The following SYP variants were observed in gnomAD, a reference collection of about 807,000 sequenced individuals.
The protein encoded by SYP is synaptophysin.
In SYP, 2 loss-of-function variants were observed where a neutral mutation model predicts 24.3. The ratio of observed to expected loss-of-function variants is 0.08; its 90% confidence interval spans 0.03 to 0.26. SYP has a LOEUF of 0.26. Among genes scored for constraint, SYP ranks in the 10% least tolerant of loss-of-function variants. The pLI, the probability that SYP is intolerant of heterozygous loss-of-function variation, is 1.00. For synonymous variants in SYP, 143 were observed against 123.2 expected (o/e 1.16, Z -1.07); for missense variants, 216 against 266.3 (o/e 0.81, Z 1.32).
intron 6 of SYP, 98 bp downstream of exon 6, chrX:49,191,335 G>A: frequency 1.0e-6 from 1 of 1,002,718 alleles, no homozygotes; most frequent in Non-Finnish European, 1.4e-6. Flanking sequence ...CCCAGTAAAC[G>A]CCTTACGTAC....
At chrX:49,191,227 C>T in intron 6 of SYP, 1 of 475,618 alleles carries the variant, frequency 2.1e-6, no homozygotes, top group South Asian at 3.1e-5. Context: ...CATCTTGAAG[C>T]ACCATTCTTC....
chrX:49,190,158 AG>A (rs200238254), intron 6 of SYP, among the ~76,000 whole-genome samples: 1,155 of 108,226 alleles, frequency 0.011, 20 homozygotes, highest in African/African-American at 0.036. Context: ...CTCCTATCTG[AG>A]GGAAATCTCA....
At chrX:49,196,739 G>A (rs1557103375) in intron 3 of SYP, among the ~76,000 whole-genome samples, 1 of 111,708 alleles carries the variant, frequency 9.0e-6, no homozygotes, top group African/African-American at 3.3e-5. Context: ...TCATTGTGAG[G>A]GTAGTGCCCA....
rs2065545184 is a variant in SYP, at chrX:49,200,011, C to T, written c.36+140G>A. 4 of 742,121 alleles carry T rather than the reference C, an allele frequency of 5.4e-6. No homozygotes were observed. The Admixed American group carries it at 1.2e-4, about 21-fold the overall frequency. The allele number at this position is 742,121 out of a possible 1,213,427, so 61.2% of individuals were successfully genotyped here. On this transcript the variant is annotated intron_variant, in intron 1 of 6. Transcript: ENST00000263233. ...CCCCCTTCCTCCCCTTCACCTGCCGCAGACCCCCATCCCCAGCGCCGGGGA... is the reference window on the plus strand; with the variant it reads ...CCCCCTTCCTCCCCTTCACCTGCCGTAGACCCCCATCCCCAGCGCCGGGGA...
chrX:49,191,781 T>C lies in SYP; in HGVS notation c.616-18A>G, dbSNP rs1391458310. On this transcript the variant is annotated intron_variant, in intron 5 of 6. Coordinates refer to ENST00000263233, the MANE Select transcript of SYP (RefSeq NM_003179.3). ...CCGAACACCTGCAGGGAGACAAGGC[T>C]CGGCTGTGGTACCCCGCCCATTGCC... 12 of 1,190,188 alleles carry C rather than the reference T, an allele frequency of 1.0e-5. No individual in the cohort carries two copies. In the Admixed American group the frequency reaches 2.5e-4, roughly 24 times the overall value.
At position 49,192,457 on chromosome X, in the gene SYP, T is replaced by C. The variant is rs1028789871; in HGVS notation, c.616-694A>G. On this transcript the variant is annotated intron_variant, in intron 5 of 6. Transcript: ENST00000263233. Reference sequence around the variant, plus strand: ...ATCTGCCCGCCTCGGCCTCCCATAGTGCTGGGATTACTGGCGTGAGCTACC... The same window carrying C: ...ATCTGCCCGCCTCGGCCTCCCATAGCGCTGGGATTACTGGCGTGAGCTACC... Among the ~76,000 whole-genome samples, 13 of 112,864 alleles carry C rather than the reference T, an allele frequency of 1.2e-4. No individual in the cohort carries two copies. The East Asian group carries it at 3.6e-3, about 31-fold the overall frequency.
chrX:49,191,497 G>C lies in SYP; in HGVS notation c.882C>G (p.Asp294Glu), dbSNP rs147778213. ...GCGGGCCGTAGCCTTGCTGCCCATA[G>C]TCGCCCTGAGGCCCGTAGCCACTGC... ...SGGSGYGPQG[D>E]YGQQGYGPQG... The change falls in exon 6 of 7, where the codon GAC becomes GAG. Residue 294 changes from aspartate to glutamate, a missense_variant. By Grantham distance (45) the Asp-to-Glu change is conservative. Coordinates refer to ENST00000263233, the MANE Select transcript of SYP (RefSeq NM_003179.3). 10 of 1,210,379 alleles carry C rather than the reference G, an allele frequency of 8.3e-6. No homozygotes were observed. In the African/African-American group the frequency reaches 1.7e-4, roughly 21 times the overall value.
chrX:49,198,996 G>GGCTCC lies in SYP; in HGVS notation c.69_73dup (p.Pro25ArgfsTer7). On this transcript the variant is annotated frameshift_variant, in exon 2 of 7. Transcript: ENST00000263233. LOFTEE classifies it high-confidence loss of function. ...TTGCAGCACCTTCACAAAGCCGAGGGGCTCCTTGACCACCCGGAACTGACC... is the reference window on the plus strand; with the variant it reads ...TTGCAGCACCTTCACAAAGCCGAGGGGCTCCGCTCCTTGACCACCCGGAACTGACC... The GGCTCC allele has an allele frequency of 8.3e-7, 1 of 1,211,691 alleles. No homozygotes were observed.
chrX:49,194,748 C>T lies in SYP; in HGVS notation c.228-387G>A, dbSNP rs782773539. Among the ~76,000 whole-genome samples, 4 of 78,853 alleles carry T rather than the reference C, an allele frequency of 5.1e-5. No homozygotes were observed. The East Asian group carries it at 1.3e-3, about 25-fold the overall frequency. 68.5% of individuals were successfully genotyped at this position (78,853 alleles called of 115,157 possible). A position where few individuals can be genotyped will look rare whatever the true frequency, so the allele number is the denominator to read the frequency against. ...TTTTTGAGATGGAGTCTTGCTCTGT[C>T]ACCAGGCTGGAGTGCGGTGGCACAA... On this transcript the variant is annotated intron_variant, in intron 3 of 6. Transcript: ENST00000263233.
At chrX:49,190,245 T>C (rs1360936092) in intron 6 of SYP, among the ~76,000 whole-genome samples, 1 of 108,444 alleles carries the variant, frequency 9.2e-6, no homozygotes, top group Non-Finnish European at 1.9e-5. Flanking sequence ...AGTGGCGCAA[T>C]CTCGACTCAC....
intron 4 of SYP, 122 bp downstream of exon 4, chrX:49,194,044 C>T: frequency 1.3e-6 from 1 of 793,810 alleles, no homozygotes; most frequent in South Asian, 2.2e-5. Flanking sequence ...ATATGTGTGG[C>T]TGTTATGGTG....
intron 1 of SYP, 98 bp from the exon 2 acceptor site, chrX:49,199,131 T>G (rs1341447122): frequency 7.1e-6 from 6 of 847,958 alleles, no homozygotes; most frequent in Non-Finnish European, 5.2e-6. Context: ...ATGGAGCATG[T>G]GACCTCGGGG....
Position 49,197,806 on chromosome X carries a change from T to C in SYP, c.136A>G (p.Ser46Gly). 8.3e-7 allele frequency: 1 copy of C among 1,209,247 alleles called. No homozygotes were observed. Among genetic ancestry groups the C allele is most frequent in the Non-Finnish European group, 1.1e-6 (1 of 894,160 alleles). ...FAIFAFATCGSYSGELQLSVD... is the reference protein window; with the variant it reads ...FAIFAFATCGGYSGELQLSVD... Reference sequence around the variant, plus strand: ...CTCAGCTGGAGCTCCCCACTGTAGCTGCCGCATGTGGCAAAGGCGAAGATG... The same window carrying C: ...CTCAGCTGGAGCTCCCCACTGTAGCCGCCGCATGTGGCAAAGGCGAAGATG... The change falls in exon 3 of 7, where the codon AGC becomes GGC. Residue 46 changes from serine (S) to glycine (G), a missense_variant. Ser to Gly is a moderately conservative substitution (Grantham distance 56). Transcript: ENST00000263233.
intron 3 of SYP, among the ~76,000 whole-genome samples, chrX:49,196,424 C>T (rs1207633490): frequency 2.7e-5 from 3 of 111,736 alleles, no homozygotes; most frequent in African/African-American, 9.8e-5. Flanking sequence ...CTCGAAGACC[C>T]CCAGTTTCCA....
intron 5 of SYP, among the ~76,000 whole-genome samples, chrX:49,192,103 A>G (rs2065512071): frequency 8.8e-6 from 1 of 113,044 alleles, no homozygotes. Flanking sequence ...AAGGATACAA[A>G]CTTATTAAAT....
chrX:49,188,677 C>A lies in SYP; in HGVS notation c.*610G>T, dbSNP rs1222398075. ...CCCCACCCCAGAATGCTCTAGCGCA[C>A]TCCTCTCCTTCAGACTCCAGATCCA... On this transcript the variant is annotated 3_prime_UTR_variant, in exon 7 of 7. Transcript: ENST00000263233. The A allele has an allele frequency of 9.1e-6, 1 of 110,451 alleles. No individual in the cohort carries two copies. Among genetic ancestry groups the A allele is most frequent in the Non-Finnish European group, 1.9e-5 (1 of 52,848 alleles). 9.1% of individuals were successfully genotyped at this position (110,451 alleles called of 1,213,427 possible). A position where few individuals can be genotyped will look rare whatever the true frequency, so the allele number is the denominator to read the frequency against.
intron 3 of SYP, among the ~76,000 whole-genome samples, chrX:49,195,148 A>T (rs782358713): frequency 9.1e-6 from 1 of 110,195 alleles, no homozygotes; most frequent in African/African-American, 3.3e-5. Flanking sequence ...TCTCGATAGT[A>T]GTGGTACCCA....
rs782820659 is a variant in SYP at position 49,197,834 on chromosome X, G to A, written c.108C>T (p.Phe36=). 9 of 1,208,562 alleles carry A rather than the reference G, an allele frequency of 7.4e-6. No individual in the cohort carries two copies. Among genetic ancestry groups the A allele is most frequent in the African/African-American group, 7.0e-5 (4 of 57,414 alleles). ...CGCATGTGGCAAAGGCGAAGATGGC[G>A]AAGACCTTGGGCAGCAGGGATGGGG... The part of the protein sequence containing the change: ...LGFVKVLQWV[F]AIFAFATCGS... Residue 36 remains phenylalanine (F), a synonymous_variant, in exon 3 of 7, where the codon TTC becomes TTT. Coordinates refer to ENST00000263233, the MANE Select transcript of SYP (RefSeq NM_003179.3).
Position 49,189,233 on chromosome X carries a change from G to A in SYP, c.*54C>T. ...GGTATAGGGGTGGGAAGGGGGGCAG[G>A]CCTTCTCCTGAGCTCTTGCCCCCCC... is the stretch of plus-strand genomic sequence containing the variant. On this transcript the variant is annotated 3_prime_UTR_variant, in exon 7 of 7. Coordinates refer to ENST00000263233, the MANE Select transcript of SYP (RefSeq NM_003179.3). 1 of 109,358 alleles carries A rather than the reference G, an allele frequency of 9.1e-6. No individual in the cohort carries two copies. The highest frequency in any genetic ancestry group is 9.8e-5 in the Admixed American group (1 of 10,199). The allele number at this position is 109,358 out of a possible 1,213,427, so 9.0% of individuals were successfully genotyped here.
Sources: gnomAD v4.1 joint callset for allele counts (sites outside exome capture counted in the v4.1 genomes callset) on GRCh38, gnomAD v4.1.1 for gene constraint, MANE v1.5 for transcripts, NCBI Gene and HGNC (gene_info 2026-07-23, HGNC 2026-07-21) for gene names.